GRXCR1: variants seen among roughly 807,000 people sequenced by gnomAD.
GRXCR1 encodes the protein glutaredoxin and cysteine rich domain containing 1.
GRXCR1 carries 27 observed loss-of-function variants against 27.3 expected under a neutral mutation model. The ratio of observed to expected loss-of-function variants is 0.99; its 90% CI spans 0.73 to 1.37. The LOEUF (loss-of-function observed/expected upper bound fraction) is 1.37, where lower values mean the gene tolerates loss of function less well. GRXCR1 is among the 40% of genes most tolerant of loss of function. GRXCR1 has a pLI of 0.00. For synonymous variants in GRXCR1, 122 were observed against 131.1 expected (o/e 0.93, Z 0.47); for missense variants, 379 against 354.4 (o/e 1.07, Z -0.56).
intron 1 of GRXCR1, among the ~76,000 whole-genome samples, chr4:42,932,920 G>T (rs985638177): frequency 1.3e-5 from 2 of 151,518 alleles, no homozygotes; most frequent in African/African-American, 4.8e-5. Flanking sequence ...AGGGGATCTG[G>T]TATTTTCTCT....
At chr4:42,964,510 C>T (rs1748195856) in intron 2 of GRXCR1, among the ~76,000 whole-genome samples, 1 of 152,000 alleles carries the variant, frequency 6.6e-6, no homozygotes, top group South Asian at 2.1e-4. Flanking sequence ...ACATATTAAG[C>T]ACTTGGTTCC....
At chr4:43,007,633 A>T (rs997433424) in intron 2 of GRXCR1, among the ~76,000 whole-genome samples, 2 of 152,202 alleles carry the variant, frequency 1.3e-5, no homozygotes, top group Admixed American at 1.3e-4. Flanking sequence ...ATGCATTTAA[A>T]ATAAACATTG....
chr4:42,926,690 C>T (rs1295776671), intron 1 of GRXCR1, among the ~76,000 whole-genome samples: 2 of 151,756 alleles, frequency 1.3e-5, no homozygotes, highest in Non-Finnish European at 2.9e-5. Context: ...GACACCAAAA[C>T]CTGTAGCTGA....
At chr4:42,914,961 A>G (rs1839618) in intron 1 of GRXCR1, among the ~76,000 whole-genome samples, 149,971 of 152,200 alleles carry the variant, frequency 0.99, 73,931 homozygotes, top group Non-Finnish European at 1. Context: ...GGTGTCTTCC[A>G]CCATGATTGT....
intron 3 of GRXCR1, among the ~76,000 whole-genome samples, chr4:43,028,414 G>A (rs975369767): frequency 2.0e-5 from 3 of 152,114 alleles, no homozygotes; most frequent in African/African-American, 7.2e-5. Flanking sequence ...ACTTTACTAG[G>A]AACTCAGATC....
intron 1 of GRXCR1, among the ~76,000 whole-genome samples, chr4:42,893,905 C>T (rs978086662): frequency 6.6e-6 from 1 of 152,116 alleles, no homozygotes; most frequent in South Asian, 2.1e-4. Flanking sequence ...TGTGTGATGA[C>T]TAATATAACC....
intron 2 of GRXCR1, among the ~76,000 whole-genome samples, chr4:42,995,121 A>G (rs1712108166): frequency 6.6e-6 from 1 of 152,082 alleles, no homozygotes; most frequent in Non-Finnish European, 1.5e-5. Flanking sequence ...TTACTTTACT[A>G]TGTATCATCA....
intron 1 of GRXCR1, among the ~76,000 whole-genome samples, chr4:42,940,652 A>T (rs6845159): frequency 0.2 from 30,046 of 152,038 alleles, 3,120 homozygotes; most frequent in African/African-American, 0.25. Context: ...CTTCTAGAAA[A>T]CTTTTCTGAT....
intron 3 of GRXCR1, among the ~76,000 whole-genome samples, chr4:43,024,133 A>G (rs1204463764): frequency 2.0e-5 from 3 of 150,252 alleles, no homozygotes; most frequent in Non-Finnish European, 4.4e-5. Context: ...TTTTTTGAAG[A>G]TATGAGTAAA....
intron 1 of GRXCR1, among the ~76,000 whole-genome samples, chr4:42,956,392 G>T (rs1388409832): frequency 6.6e-6 from 1 of 151,864 alleles, no homozygotes; most frequent in Non-Finnish European, 1.5e-5. Context: ...TAGACTTCTG[G>T]CCAGATGCTT....
At chr4:43,009,131 C>A (rs865796829) in intron 2 of GRXCR1, among the ~76,000 whole-genome samples, 1 of 152,152 alleles carries the variant, frequency 6.6e-6, no homozygotes, top group Non-Finnish European at 1.5e-5. Flanking sequence ...TGAAGGAATA[C>A]CAGGCTTTGT....
intron 1 of GRXCR1, among the ~76,000 whole-genome samples, chr4:42,941,480 T>C (rs1157920449): frequency 6.6e-6 from 1 of 152,012 alleles, no homozygotes; most frequent in Non-Finnish European, 1.5e-5. Context: ...CTATTCCCTG[T>C]TGAATTACAT....
chr4:43,013,213 G>C (rs1332946540), intron 2 of GRXCR1, among the ~76,000 whole-genome samples: 1 of 152,122 alleles, frequency 6.6e-6, no homozygotes, highest in Non-Finnish European at 1.5e-5. Context: ...ACATGCACTT[G>C]TATGTTCATT....
chr4:42,956,561 C>CA lies in GRXCR1; in HGVS notation c.385-6328dup, dbSNP rs113181708. Among the ~76,000 whole-genome samples, 462 of 152,120 alleles carry CA rather than the reference C, an allele frequency of 3.0e-3. 3 individuals are homozygous for CA. Among genetic ancestry groups the CA allele is most frequent in the African/African-American group, 0.011 (438 of 41,514 alleles). On this transcript the variant is annotated intron_variant, in intron 1 of 3. Transcript: ENST00000399770. ...CTCTACCTCTAGAAAGACCTACTTC[C>CA]AAATCATACAAAAATTGTACAGTAA...
intron 1 of GRXCR1, among the ~76,000 whole-genome samples, chr4:42,945,122 C>G (rs769274327): frequency 6.6e-6 from 1 of 152,086 alleles, no homozygotes; most frequent in Non-Finnish European, 1.5e-5. Flanking sequence ...TGTGAAGACA[C>G]GCGGAGAAGA....
intron 1 of GRXCR1, among the ~76,000 whole-genome samples, chr4:42,934,910 A>T (rs1005049640): frequency 6.6e-6 from 1 of 151,978 alleles, no homozygotes; most frequent in African/African-American, 2.4e-5. Context: ...AGTTTAGTAA[A>T]CTATGCAATG....
At chr4:43,019,110 C>T (rs898846008) in intron 2 of GRXCR1, among the ~76,000 whole-genome samples, 4 of 152,078 alleles carry the variant, frequency 2.6e-5, no homozygotes, top group African/African-American at 9.7e-5. Context: ...TTTTAGAAAC[C>T]TCATCCAGTC....
At chr4:43,007,937 A>C (rs1331736460) in intron 2 of GRXCR1, among the ~76,000 whole-genome samples, 1 of 152,034 alleles carries the variant, frequency 6.6e-6, no homozygotes, top group Non-Finnish European at 1.5e-5. Flanking sequence ...ATTTTGTTTC[A>C]TTTTTACAAT....
intron 1 of GRXCR1, among the ~76,000 whole-genome samples, chr4:42,911,088 T>C (rs1746713386): frequency 6.6e-6 from 1 of 152,174 alleles, no homozygotes; most frequent in African/African-American, 2.4e-5. Flanking sequence ...AGGGACTGTA[T>C]TTTTTATTTT....
Sources: allele counts gnomAD v4.1 joint callset (sites outside exome capture counted in the v4.1 genomes callset), GRCh38; gene constraint gnomAD v4.1.1; transcripts MANE v1.5; gene names NCBI Gene and HGNC (gene_info 2026-07-23, HGNC 2026-07-21).